TSG101: variants seen among roughly 807,000 people sequenced by gnomAD.
The protein encoded by TSG101 is tumor susceptibility 101.
In TSG101, 19 loss-of-function variants were observed where a neutral mutation model predicts 48.5. The observed-to-expected ratio is 0.39, with a 90% CI of 0.27 to 0.58. The LOEUF is 0.58. TSG101 is among the 20% of genes least tolerant of loss of function. The probability of loss-of-function intolerance (pLI) is 0.55; values close to 1 mark genes in which losing one functional copy is unlikely to be tolerated. For missense variants in TSG101, 365 were observed against 484.4 expected, an observed-to-expected ratio of 0.75 and a Z score of 2.31; for synonymous variants, 174 against 169.4, an observed-to-expected ratio of 1.03 and a Z score of -0.21.
intron 8 of TSG101, among the ~76,000 whole-genome samples, chr11:18,483,491 CAAAAA>C (rs35471524): frequency 2.8e-5 from 3 of 107,678 alleles, no homozygotes; most frequent in African/African-American, 3.7e-5. Flanking sequence ...GTGAAACTCT[CAAAAA>C]AAAAAAAAAA....
chr11:18,490,780 G>T, intron 7 of TSG101: 1 of 518,564 alleles, frequency 1.9e-6, no homozygotes, highest in South Asian at 1.6e-5. Context: ...GAGAAGACAT[G>T]CCAGGAAAGC....
intron 1 of TSG101, among the ~76,000 whole-genome samples, chr11:18,522,789 T>C (rs1850301020): frequency 6.6e-6 from 1 of 152,214 alleles, no homozygotes. Context: ...CTAGCCACCA[T>C]ACCCTCCTTT....
intron 1 of TSG101, 46 bp downstream of exon 1, chr11:18,526,729 G>A (rs760932042): frequency 6.3e-6 from 10 of 1,588,698 alleles, no homozygotes; most frequent in Middle Eastern, 3.4e-4. Flanking sequence ...GGGCGCGGAA[G>A]GGAGCGGTGG....
intron 4 of TSG101, among the ~76,000 whole-genome samples, chr11:18,514,099 G>A (rs1480498385): frequency 6.6e-6 from 1 of 150,558 alleles, no homozygotes; most frequent in Admixed American, 6.6e-5. Context: ...AAAAAAAAAA[G>A]GAATCAGTAA....
intron 7 of TSG101, among the ~76,000 whole-genome samples, chr11:18,486,187 CTT>C (rs904855970): frequency 4.6e-5 from 7 of 152,358 alleles, no homozygotes; most frequent in African/African-American, 1.7e-4. Flanking sequence ...CTTGCTCACT[CTT>C]GATTGTCAGT....
chr11:18,514,951 TCCC>T lies in TSG101; in HGVS notation c.194-113_194-111del, dbSNP rs972846040. 8 of 950,698 alleles carry T rather than the reference TCCC, an allele frequency of 8.4e-6. No individual in the cohort carries two copies. In the African/African-American group the frequency reaches 1.4e-4, roughly 17 times the overall value. 58.9% of individuals were successfully genotyped at this position (950,698 alleles called of 1,614,324 possible). Reference sequence around the variant, plus strand: ...GATACAATTTATACATATATCCGCATCCCCCCCATTCCTATTTCCCCCAGCAGA... The same window carrying T: ...GATACAATTTATACATATATCCGCATCCCCATTCCTATTTCCCCCAGCAGA... On this transcript the variant is annotated intron_variant, in intron 3 of 9. Coordinates refer to ENST00000251968, the MANE Select transcript of TSG101 (RefSeq NM_006292.4).
intron 7 of TSG101, among the ~76,000 whole-genome samples, chr11:18,487,555 G>C (rs190204760): frequency 4.1e-4 from 63 of 152,180 alleles, no homozygotes; most frequent in African/African-American, 1.4e-3. Flanking sequence ...CTAGTAGAGA[G>C]GTAGTCTCAC....
At chr11:18,493,367 T>TA (rs1483806473) in intron 7 of TSG101, among the ~76,000 whole-genome samples, 13 of 152,174 alleles carry the variant, frequency 8.5e-5, no homozygotes, top group South Asian at 2.1e-4. Context: ...AGCCACTATT[T>TA]AAACACTTAA....
intron 2 of TSG101, among the ~76,000 whole-genome samples, chr11:18,518,994 T>TAA (rs1169666609): frequency 6.6e-5 from 10 of 152,100 alleles, no homozygotes; most frequent in Non-Finnish European, 1.0e-4. Context: ...AGTTCTATGT[T>TAA]AGAGGTTTTG....
chr11:18,500,810 C>CT (rs398045025), intron 7 of TSG101, among the ~76,000 whole-genome samples: 53,358 of 147,690 alleles, frequency 0.36, 10,671 homozygotes, highest in Non-Finnish European at 0.47. Context: ...TGTGCAGAAG[C>CT]TTTTTTTTTT....
chr11:18,489,632 A>G (rs1228946225), intron 7 of TSG101, among the ~76,000 whole-genome samples: 1 of 152,216 alleles, frequency 6.6e-6, no homozygotes, highest in Non-Finnish European at 1.5e-5. Flanking sequence ...GCCACAAAGA[A>G]TTTAAATTTC....
chr11:18,524,052 A>G (rs569189565), intron 1 of TSG101, among the ~76,000 whole-genome samples: 2 of 152,194 alleles, frequency 1.3e-5, no homozygotes, highest in South Asian at 4.2e-4. Context: ...TCTACCTCCC[A>G]AAGTATTGGG....
At chr11:18,503,913 G>C (rs1023552906) in intron 6 of TSG101, among the ~76,000 whole-genome samples, 11 of 152,040 alleles carry the variant, frequency 7.2e-5, no homozygotes, top group Non-Finnish European at 1.5e-4. Flanking sequence ...ATTAAAAAGA[G>C]CTAGCCCAGG....
intron 1 of TSG101, among the ~76,000 whole-genome samples, chr11:18,521,670 CTTTTTTTT>C (rs869176661): frequency 1.8e-4 from 12 of 66,692 alleles, no homozygotes; most frequent in African/African-American, 4.1e-4. Context: ...TGGCCCCTTC[CTTTTTTTT>C]TTTTTTTTTT....
chr11:18,510,771 A>C (rs1481557659), intron 4 of TSG101, among the ~76,000 whole-genome samples: 1 of 152,038 alleles, frequency 6.6e-6, no homozygotes, highest in Non-Finnish European at 1.5e-5. Flanking sequence ...TCTACAAAAA[A>C]ATTAACTGTA....
At chr11:18,514,948 G>T in intron 3 of TSG101, 107 bp from the exon 4 acceptor site, 2 of 1,005,084 alleles carry the variant, frequency 2.0e-6, no homozygotes, top group Non-Finnish European at 2.7e-6. Flanking sequence ...ACATATATCC[G>T]CATCCCCCCC....
intron 6 of TSG101, 51 bp downstream of exon 6, chr11:18,506,806 T>C: frequency 2.8e-6 from 4 of 1,417,588 alleles, no homozygotes; most frequent in Non-Finnish European, 3.8e-6. Flanking sequence ...TGATTCTAGA[T>C]CTAATAGAAG....
At chr11:18,486,581 C>G (rs1352010848) in intron 7 of TSG101, among the ~76,000 whole-genome samples, 1 of 151,980 alleles carries the variant, frequency 6.6e-6, no homozygotes, top group Non-Finnish European at 1.5e-5. Flanking sequence ...CCATCTCACA[C>G]CAGTTAGAAT....
chr11:18,509,239 TCAAATAAGGCTATTCTGCAGCATG>T (rs1421593011), intron 5 of TSG101, among the ~76,000 whole-genome samples: 3 of 152,206 alleles, frequency 2.0e-5, no homozygotes. Flanking sequence ...TCCAAGCTGA[TCAAATAAGGCTATTCTGCAGCATG>T]CATAATTTTA....
Sources: allele counts gnomAD v4.1 joint callset (sites outside exome capture counted in the v4.1 genomes callset), GRCh38; gene constraint gnomAD v4.1.1; transcripts MANE v1.5; gene names NCBI Gene and HGNC (gene_info 2026-07-23, HGNC 2026-07-21).